GPC5: variants seen among roughly 807,000 people sequenced by gnomAD.
GPC5 encodes glypican-5.
A neutral mutation model predicts 53.9 loss-of-function variants in GPC5; 47 were observed. The observed-to-expected ratio is 0.87, with a 90% CI of 0.69 to 1.11. The LOEUF is 1.11. GPC5 is among the 50% of genes most tolerant of loss of function. GPC5 has a pLI of 0.00. For synonymous variants in GPC5, 286 were observed against 263.3 expected (o/e 1.09, Z -0.84); for missense variants, 748 against 713.1 (o/e 1.05, Z -0.56).
chr13:92,298,500 C>T (rs888678104), intron 7 of GPC5, among the ~76,000 whole-genome samples: 1 of 152,180 alleles, frequency 6.6e-6, no homozygotes, highest in South Asian at 2.1e-4. Context: ...GGGATTTTCC[C>T]GCTGCTTCCT....
intron 6 of GPC5, among the ~76,000 whole-genome samples, chr13:91,926,626 C>A (rs977344491): frequency 2.6e-5 from 4 of 152,126 alleles, no homozygotes; most frequent in Admixed American, 2.6e-4. Context: ...GCTTCTGTTG[C>A]CTTAAATCCT....
At chr13:91,586,563 TAGAGAGAGAG>T (rs3055914) in intron 2 of GPC5, among the ~76,000 whole-genome samples, 702 of 41,944 alleles carry the variant, frequency 0.017, 36 homozygotes, top group African/African-American at 0.051. Flanking sequence ...TATATATATG[TAGAGAGAGAG>T]AGAGAGAGAG....
At chr13:91,678,511 A>G (rs545995292) in intron 2 of GPC5, among the ~76,000 whole-genome samples, 3 of 152,300 alleles carry the variant, frequency 2.0e-5, no homozygotes, top group Admixed American at 2.0e-4. Context: ...GAAATGAAGA[A>G]GAGATAAGAT....
At chr13:91,776,986 C>T (rs893206452) in intron 5 of GPC5, among the ~76,000 whole-genome samples, 11 of 152,260 alleles carry the variant, frequency 7.2e-5, no homozygotes, top group African/African-American at 2.4e-4. Context: ...AATGTGTAAC[C>T]GCCCAATAAA....
At chr13:92,098,641 G>A (rs1158097871) in intron 6 of GPC5, among the ~76,000 whole-genome samples, 2 of 152,168 alleles carry the variant, frequency 1.3e-5, no homozygotes, top group Non-Finnish European at 2.9e-5. Flanking sequence ...TGCCAAGTTA[G>A]CAAAGGGGAA....
At chr13:92,335,302 C>T (rs1450404698) in intron 7 of GPC5, among the ~76,000 whole-genome samples, 1 of 152,132 alleles carries the variant, frequency 6.6e-6, no homozygotes, top group Non-Finnish European at 1.5e-5. Context: ...GAAGCCATGG[C>T]CCAAGCAGTA....
chr13:92,467,832 T>C (rs1345077942), intron 7 of GPC5, among the ~76,000 whole-genome samples: 2 of 152,108 alleles, frequency 1.3e-5, no homozygotes, highest in African/African-American at 2.4e-5. Context: ...AGAAGATATA[T>C]GCAGTTTAAA....
chr13:92,831,197 C>T (rs1166645953), intron 7 of GPC5, among the ~76,000 whole-genome samples: 1 of 152,096 alleles, frequency 6.6e-6, no homozygotes, highest in Admixed American at 6.6e-5. Flanking sequence ...AATCAAATTC[C>T]TGTTACCCTG....
At chr13:91,768,039 A>G (rs1258765466) in intron 5 of GPC5, among the ~76,000 whole-genome samples, 1 of 152,196 alleles carries the variant, frequency 6.6e-6, no homozygotes, top group African/African-American at 2.4e-5. Flanking sequence ...AATGGATGTA[A>G]GTTTGCTAAA....
At chr13:91,982,439 T>C (rs1289726792) in intron 6 of GPC5, among the ~76,000 whole-genome samples, 1 of 151,658 alleles carries the variant, frequency 6.6e-6, no homozygotes, top group Admixed American at 6.6e-5. Context: ...ATTGTAGATG[T>C]ATGTATAATG....
chr13:91,571,442 A>G (rs1361599911), intron 2 of GPC5, among the ~76,000 whole-genome samples: 1 of 152,104 alleles, frequency 6.6e-6, no homozygotes, highest in African/African-American at 2.4e-5. Context: ...CCAAGTAAGG[A>G]TGCCTCAAAC....
At chr13:92,057,616 C>T (rs368803348) in intron 6 of GPC5, among the ~76,000 whole-genome samples, 1 of 152,076 alleles carries the variant, frequency 6.6e-6, no homozygotes, top group Non-Finnish European at 1.5e-5. Context: ...CAATATGATA[C>T]AGCATCTCCC....
chr13:91,601,152 A>G (rs540149588), intron 2 of GPC5, among the ~76,000 whole-genome samples: 2 of 152,348 alleles, frequency 1.3e-5, no homozygotes, highest in African/African-American at 4.8e-5. Context: ...TCCAGTAGAT[A>G]GTTTGACAGT....
In GPC5 at chr13:92,735,130, A is replaced by C. The variant is rs576627779; in HGVS notation, c.1562-131152A>C. Among the ~76,000 whole-genome samples, 8 of 152,060 alleles carry C rather than the reference A, an allele frequency of 5.3e-5. No individual in the cohort carries two copies. In the East Asian group the frequency reaches 1.6e-3, roughly 30 times the overall value. On this transcript the variant is annotated intron_variant, in intron 7 of 7. Coordinates refer to ENST00000377067, the MANE Select transcript of GPC5 (RefSeq NM_004466.6). ...TTGCTTAAAAAGCAGACAAAATACAAACATACGGCATTTGTATTCTTTAAA... is the reference window on the plus strand; with the variant it reads ...TTGCTTAAAAAGCAGACAAAATACACACATACGGCATTTGTATTCTTTAAA...
At chr13:91,815,289 A>T (rs1156365262) in intron 5 of GPC5, among the ~76,000 whole-genome samples, 2 of 152,130 alleles carry the variant, frequency 1.3e-5, no homozygotes, top group Admixed American at 1.3e-4. Context: ...AGGAACACTG[A>T]GCCCAGGAGG....
At chr13:91,944,795 C>T (rs979025725) in intron 6 of GPC5, among the ~76,000 whole-genome samples, 18 of 152,108 alleles carry the variant, frequency 1.2e-4, no homozygotes, top group Non-Finnish European at 2.6e-4. Flanking sequence ...CAATTATGGG[C>T]GCTTATAACT....
chr13:92,380,260 G>T (rs1028372832), intron 7 of GPC5, among the ~76,000 whole-genome samples: 1 of 151,978 alleles, frequency 6.6e-6, no homozygotes, highest in Admixed American at 6.5e-5. Context: ...CTCTTCATTC[G>T]CTTGGCCCCT....
At chr13:91,447,375 C>T (rs1255973704) in intron 1 of GPC5, among the ~76,000 whole-genome samples, 3 of 148,566 alleles carry the variant, frequency 2.0e-5, no homozygotes, top group African/African-American at 5.0e-5. Context: ...GTAGAATTTG[C>T]TCTTACGTAA....
intron 3 of GPC5, among the ~76,000 whole-genome samples, chr13:91,724,068 A>G (rs1051887150): frequency 1.3e-5 from 2 of 152,122 alleles, no homozygotes; most frequent in Admixed American, 6.5e-5. Context: ...TCTCAGAATC[A>G]TAAGGGAACT....
Sources: allele counts gnomAD v4.1 joint callset (sites outside exome capture counted in the v4.1 genomes callset), GRCh38; gene constraint gnomAD v4.1.1; transcripts MANE v1.5; gene names NCBI Gene and HGNC (gene_info 2026-07-23, HGNC 2026-07-21).